Variants in SOX5 observed in about 807,000 individuals in gnomAD.
SOX5 encodes transcription factor SOX-5.
SOX5 carries 9 observed loss-of-function variants against 92.0 expected under a neutral mutation model. That is an observed-to-expected ratio of 0.10 (90% confidence interval 0.06 to 0.17). The LOEUF (loss-of-function observed/expected upper bound fraction) is 0.17. Ranked by LOEUF, SOX5 falls within the 10% of genes least tolerant of loss-of-function variation. The pLI, the probability that SOX5 is intolerant of heterozygous loss-of-function variation, is 1.00. For synonymous variants in SOX5, 344 were observed against 336.3 expected, an observed-to-expected ratio of 1.02 and a Z score of -0.25; for missense variants, 642 against 944.5, an observed-to-expected ratio of 0.68 and a Z score of 4.20.
chr12:24,334,363 C>A (rs1438626759), intron 2 of SOX5, among the ~76,000 whole-genome samples: 1 of 151,938 alleles, frequency 6.6e-6, no homozygotes, highest in East Asian at 1.9e-4. Flanking sequence ...GACTTAAAAT[C>A]ATATTCTATA....
At chr12:24,297,737 G>T (rs1947441382) in intron 2 of SOX5, among the ~76,000 whole-genome samples, 1 of 152,172 alleles carries the variant, frequency 6.6e-6, no homozygotes, top group Admixed American at 6.5e-5. Context: ...GTGAGTGACT[G>T]CTCAGAACAT....
chr12:24,028,165 T>C (rs953998949), intron 4 of SOX5, among the ~76,000 whole-genome samples: 1 of 151,974 alleles, frequency 6.6e-6, no homozygotes, highest in Non-Finnish European at 1.5e-5. Flanking sequence ...AGTCAAAATG[T>C]CTGTAGCAGT....
chr12:23,975,053 G>GT (rs904379509), intron 4 of SOX5, among the ~76,000 whole-genome samples: 1 of 151,808 alleles, frequency 6.6e-6, no homozygotes, highest in South Asian at 2.1e-4. Context: ...CCTTGTTTTC[G>GT]TTTTTTTCAG....
chr12:23,991,196 A>C (rs1328376234), intron 4 of SOX5, among the ~76,000 whole-genome samples: 2 of 151,738 alleles, frequency 1.3e-5, no homozygotes, highest in Non-Finnish European at 2.9e-5. Flanking sequence ...TCTGCAAAAA[A>C]AAAAAAAACT....
chr12:24,475,598 G>A (rs1354084254), intron 1 of SOX5, among the ~76,000 whole-genome samples: 1 of 152,174 alleles, frequency 6.6e-6, no homozygotes, highest in East Asian at 1.9e-4. Flanking sequence ...GGAACAATGA[G>A]TACCCAGCAA....
rs375107824 is a variant in SOX5 at position 23,845,144 on chromosome 12, T to A, written c.481+839A>T. Among the ~76,000 whole-genome samples the A allele has an allele frequency of 3.9e-5, 6 of 152,374 alleles. No individual in the cohort carries two copies. The South Asian group carries it at 1.2e-3, about 32-fold the overall frequency. ...GAGCCCAACTTATTGTTACACGGTA[T>A]ACACGCAGTGTATTTTTGTTATAAA... On this transcript the variant is annotated intron_variant, in intron 3 of 14. Transcript: ENST00000451604.
chr12:24,413,848 A>G (rs954436250), intron 1 of SOX5, among the ~76,000 whole-genome samples: 3 of 152,202 alleles, frequency 2.0e-5, no homozygotes, highest in African/African-American at 7.2e-5. Flanking sequence ...CCAGAGTGGC[A>G]AATTTGAAGG....
chr12:23,660,269 A>G (rs2082861608), intron 7 of SOX5, among the ~76,000 whole-genome samples: 1 of 152,234 alleles, frequency 6.6e-6, no homozygotes, highest in Admixed American at 6.5e-5. Flanking sequence ...ACTTGTAAAT[A>G]ACATAATAAG....
chr12:23,875,639 A>G (rs1186243361), intron 2 of SOX5, among the ~76,000 whole-genome samples: 1 of 152,190 alleles, frequency 6.6e-6, no homozygotes, highest in Non-Finnish European at 1.5e-5. Context: ...CATCAAAGTA[A>G]TGATAGCAAG....
In SOX5 at chr12:24,370,167, C is replaced by T. The variant is rs766323607; in HGVS notation, c.-250-1528G>A. Among the ~76,000 whole-genome samples, 3 of 152,136 alleles carry T rather than the reference C, an allele frequency of 2.0e-5. No homozygotes were observed. The South Asian group carries it at 6.2e-4, about 32-fold the overall frequency. On this transcript the variant is annotated intron_variant, in intron 1 of 4. Transcript: ENST00000446891. ...TCAAGGTCAGATGTTAGAAAATAAA[C>T]TTCATTAAAAGATGTACTGGTTTTT...
chr12:23,767,251 T>C (rs1019988376), intron 3 of SOX5, among the ~76,000 whole-genome samples: 24 of 151,320 alleles, frequency 1.6e-4, no homozygotes, highest in Admixed American at 3.3e-4. Context: ...CACACACATA[T>C]ATATATTCAT....
intron 4 of SOX5, among the ~76,000 whole-genome samples, chr12:23,979,707 G>GT (rs1177945407): frequency 2.6e-4 from 20 of 77,494 alleles, no homozygotes; most frequent in African/African-American, 7.7e-4. Context: ...TGTTTTTTTT[G>GT]TTTTTTTTTT....
chr12:24,339,943 C>T (rs1952383486), intron 2 of SOX5, among the ~76,000 whole-genome samples: 1 of 152,230 alleles, frequency 6.6e-6, no homozygotes, highest in South Asian at 2.1e-4. Context: ...GTAGCCAATA[C>T]CCAGCATCTG....
chr12:24,385,843 G>A (rs1958333704), intron 1 of SOX5, among the ~76,000 whole-genome samples: 1 of 144,708 alleles, frequency 6.9e-6, no homozygotes, highest in Non-Finnish European at 1.5e-5. Flanking sequence ...GAGGCAGGAG[G>A]ATCAATTGAG....
intron 9 of SOX5, among the ~76,000 whole-genome samples, chr12:23,580,552 T>C (rs113180633): frequency 1.2e-4 from 18 of 151,862 alleles, no homozygotes; most frequent in African/African-American, 1.9e-4. Context: ...ATCCCAAGAG[T>C]TCATGTACAC....
chr12:23,537,958 A>C (rs1488394943), intron 13 of SOX5, among the ~76,000 whole-genome samples: 2 of 148,288 alleles, frequency 1.3e-5, no homozygotes, highest in African/African-American at 5.0e-5. Context: ...TTTTTTTTTT[A>C]ATAGTGATTT....
chr12:24,223,727 C>T lies in SOX5; in HGVS notation c.-76-10310G>A, dbSNP rs547711497. Among the ~76,000 whole-genome samples the T allele has an allele frequency of 5.9e-5, 9 of 152,226 alleles. No individual in the cohort carries two copies. In the South Asian group the frequency reaches 8.3e-4, roughly 14 times the overall value. ...CTATGATCACACCACTGCACTCTAGCTCAGGCAATAGAGTGAGACCCTATC... is the reference window on the plus strand; with the variant it reads ...CTATGATCACACCACTGCACTCTAGTTCAGGCAATAGAGTGAGACCCTATC... On this transcript the variant is annotated intron_variant, in intron 3 of 4. Transcript: ENST00000446891.
At chr12:23,928,342 C>T (rs965504832) in intron 1 of SOX5, among the ~76,000 whole-genome samples, 4 of 151,846 alleles carry the variant, frequency 2.6e-5, no homozygotes, top group Admixed American at 2.6e-4. Flanking sequence ...GCTCAGTACT[C>T]GGGTGTGGCC....
intron 9 of SOX5, among the ~76,000 whole-genome samples, chr12:23,598,477 C>G (rs939241703): frequency 7.0e-6 from 1 of 142,196 alleles, no homozygotes; most frequent in African/African-American, 2.6e-5. Context: ...CGGCTCACTG[C>G]AAGCTCCGCC....
Sources: gnomAD v4.1 joint callset for allele counts (sites outside exome capture counted in the v4.1 genomes callset) on GRCh38, gnomAD v4.1.1 for gene constraint, MANE v1.5 for transcripts, NCBI Gene and HGNC (gene_info 2026-07-23, HGNC 2026-07-21) for gene names.